CEP112: variants seen among roughly 807,000 people sequenced by gnomAD.
CEP112 encodes the protein centrosomal protein 112.
In CEP112, 127 loss-of-function variants were observed where a neutral mutation model predicts 153.0. That is an observed-to-expected ratio of 0.83 (90% CI 0.72 to 0.96). The LOEUF is 0.96. Among genes scored for constraint, CEP112 ranks in the 40% least tolerant of loss-of-function variants. The probability of loss-of-function intolerance (pLI) is 0.00; values close to 1 mark genes in which losing one functional copy is unlikely to be tolerated. For missense variants in CEP112, 1,089 were observed against 1,101.2 expected (o/e 0.99, Z 0.16); for synonymous variants, 358 against 374.4 (o/e 0.96, Z 0.51).
At chr17:66,092,151 T>C (rs2068161253) in intron 8 of CEP112, among the ~76,000 whole-genome samples, 1 of 151,638 alleles carries the variant, frequency 6.6e-6, no homozygotes, top group South Asian at 2.1e-4. Context: ...GCGATTCTCC[T>C]GCCTCAGCCT....
At chr17:66,029,307 A>G in intron 13 of CEP112, 55 bp from the exon 14 acceptor site, 3 of 1,360,178 alleles carry the variant, frequency 2.2e-6, no homozygotes. Flanking sequence ...AATCTCTAAA[A>G]TGAAATTTTT....
chr17:66,184,890 T>C lies in CEP112; in HGVS notation c.-8-1583A>G, dbSNP rs144860437. Among the ~76,000 whole-genome samples, 184 of 152,172 alleles carry C rather than the reference T, an allele frequency of 1.2e-3. 3 individuals are homozygous for C. Among genetic ancestry groups the C allele is most frequent in the Admixed American group, 9.0e-3 (137 of 15,286 alleles). ...ACTGTGGCATATCCACACAATAACATAGTACTCAGCAACAGAAAGGAATGA... is the reference window on the plus strand; with the variant it reads ...ACTGTGGCATATCCACACAATAACACAGTACTCAGCAACAGAAAGGAATGA... On this transcript the variant is annotated intron_variant, in intron 1 of 26. Transcript: ENST00000535342.
At chr17:65,744,387 G>C (rs1382227857) in intron 22 of CEP112, among the ~76,000 whole-genome samples, 1 of 152,088 alleles carries the variant, frequency 6.6e-6, no homozygotes, top group African/African-American at 2.4e-5. Context: ...CTGAGTAGCT[G>C]GGACTACAGG....
chr17:66,056,836 C>T (rs766862315), intron 11 of CEP112, among the ~76,000 whole-genome samples: 7 of 151,988 alleles, frequency 4.6e-5, no homozygotes, highest in Non-Finnish European at 8.8e-5. Flanking sequence ...TTTGTGAATA[C>T]ATCAAAAAAA....
chr17:65,903,024 C>T (rs1281434191), intron 19 of CEP112: 4 of 3,346 alleles, frequency 1.2e-3, no homozygotes, highest in Admixed American at 0.01. Flanking sequence ...AATGGCAGCC[C>T]GAGACCAAGG....
rs748861184 is a variant in CEP112 at position 66,029,873 on chromosome 17, C to A, written c.1369G>T (p.Ala457Ser). Residue 457 changes from alanine to serine, a missense_variant, in exon 13 of 27, where the codon GCA (alanine) becomes TCA (serine). Transcript: ENST00000535342. ...ITCSELQEVK[A>S]RRNTLHKEKD... ...ATATCTGATTTCAGACAATACCTTG[C>A]CTTTACTTCTTGTAATTCACTACAC... 7 of 1,612,748 alleles carry A rather than the reference C, an allele frequency of 4.3e-6. No homozygotes were observed. The highest frequency in any genetic ancestry group is 5.1e-6 in the Non-Finnish European group (6 of 1,179,156).
At chr17:65,697,093 T>A (rs940386967) in intron 23 of CEP112, among the ~76,000 whole-genome samples, 2 of 152,216 alleles carry the variant, frequency 1.3e-5, no homozygotes, top group Non-Finnish European at 2.9e-5. Context: ...TCCAATTCAA[T>A]GTTTATTTTT....
intron 4 of CEP112, among the ~76,000 whole-genome samples, chr17:66,137,655 G>A (rs1264618928): frequency 1.3e-5 from 2 of 152,132 alleles, no homozygotes; most frequent in African/African-American, 2.4e-5. Context: ...GAGAGAATGG[G>A]ATGATATATG....
chr17:66,039,297 A>G (rs1033596518), intron 12 of CEP112, among the ~76,000 whole-genome samples: 3 of 152,172 alleles, frequency 2.0e-5, no homozygotes, highest in Non-Finnish European at 4.4e-5. Flanking sequence ...AGTTTTACAT[A>G]CAAACTTAAT....
chr17:66,035,982 T>C (rs1041470788), intron 12 of CEP112, among the ~76,000 whole-genome samples: 3 of 152,182 alleles, frequency 2.0e-5, no homozygotes, highest in African/African-American at 7.2e-5. Context: ...CATGGATGAA[T>C]GAATAGCTAA....
intron 5 of CEP112, among the ~76,000 whole-genome samples, chr17:66,131,852 G>A (rs991516889): frequency 6.6e-6 from 1 of 151,976 alleles, no homozygotes. Context: ...ACTGGAATAA[G>A]CAGGCACAGT....
In CEP112 at chr17:65,996,781, T is replaced by C. The variant is rs1313754881; in HGVS notation, c.1736+8909A>G. Among the ~76,000 whole-genome samples, 3 of 152,366 alleles carry C rather than the reference T, an allele frequency of 2.0e-5. 1 individual carries two copies. Among genetic ancestry groups the C allele is most frequent in the South Asian group, 4.1e-4 (2 of 4,830 alleles). ...GGATATTTAGGAATCAAAATAAGTA[T>C]GCTAAAATCAGATTCAAGTTTACAA... On this transcript the variant is annotated intron_variant, in intron 17 of 26. Coordinates refer to ENST00000535342, the MANE Select transcript of CEP112 (RefSeq NM_001199165.4).
intron 18 of CEP112, 57 bp downstream of exon 18, chr17:65,961,406 T>C: frequency 4.1e-6 from 6 of 1,476,504 alleles, no homozygotes; most frequent in Non-Finnish European, 5.5e-6. Context: ...AAGATGAGAA[T>C]GTACCTTCCT....
At chr17:65,821,495 A>ATAT (rs1555671478) in intron 21 of CEP112, among the ~76,000 whole-genome samples, 87 of 122,264 alleles carry the variant, frequency 7.1e-4, no homozygotes, top group South Asian at 1.5e-3. Flanking sequence ...TATATATATA[A>ATAT]TTATATATAT....
In CEP112 at chr17:66,129,738, T is replaced by A. The variant is rs780559338; in HGVS notation, c.642+8A>T. 3.9e-5 allele frequency: 63 copies of A among 1,596,932 alleles called. No individual in the cohort carries two copies. Among genetic ancestry groups the A allele is most frequent in the Non-Finnish European group, 5.1e-5 (60 of 1,167,420 alleles). On this transcript the variant is annotated splice_region_variant and intron_variant, in intron 6 of 26. Coordinates refer to ENST00000535342, the MANE Select transcript of CEP112 (RefSeq NM_001199165.4). The stretch of plus-strand genomic sequence containing the variant: ...CTATATATACATAAAGCAAATACTT[T>A]TTTTTACCCCAAGATTCCAACTATT...
chr17:65,919,797 G>A (rs377219267), intron 19 of CEP112, among the ~76,000 whole-genome samples: 2 of 152,212 alleles, frequency 1.3e-5, no homozygotes. Context: ...TTTGAAGGAG[G>A]AGTTCTTTAG....
At chr17:65,983,567 G>GA (rs2063303136) in intron 17 of CEP112, among the ~76,000 whole-genome samples, 1 of 152,078 alleles carries the variant, frequency 6.6e-6, no homozygotes, top group African/African-American at 2.4e-5. Context: ...TCATGCCAGA[G>GA]ATAGTTGTTT....
In CEP112 at chr17:65,859,972, G is replaced by A. The variant is rs184348641; in HGVS notation, c.2164-7938C>T. Among the ~76,000 whole-genome samples, 48 of 143,070 alleles carry A rather than the reference G, an allele frequency of 3.4e-4. No homozygotes were observed. The East Asian group carries it at 8.3e-3, about 25-fold the overall frequency. The allele number at this position is 143,070 out of a possible 152,430, so 93.9% of individuals were successfully genotyped here. A position where few individuals can be genotyped will look rare whatever the true frequency, so the allele number is the denominator to read the frequency against. On this transcript the variant is annotated intron_variant, in intron 20 of 26. Coordinates refer to ENST00000535342, the MANE Select transcript of CEP112 (RefSeq NM_001199165.4). ...AGAGGTTGCAGTGAGCCAAGATTGC[G>A]CCACGGCACTGCAGCCCAGGAGACA...
At chr17:66,035,371 C>A (rs1482012426) in intron 12 of CEP112, among the ~76,000 whole-genome samples, 1 of 151,960 alleles carries the variant, frequency 6.6e-6, no homozygotes, top group Admixed American at 6.6e-5. Context: ...CAAGTGAGTA[C>A]CTCTGTGAAC....
Sources: gnomAD v4.1 joint callset for allele counts (sites outside exome capture counted in the v4.1 genomes callset) on GRCh38, gnomAD v4.1.1 for gene constraint, MANE v1.5 for transcripts, NCBI Gene and HGNC (gene_info 2026-07-23, HGNC 2026-07-21) for gene names.